TMEM63A: variants seen among roughly 807,000 people sequenced by gnomAD.
TMEM63A encodes transmembrane protein 63A.
In TMEM63A, 76 loss-of-function variants were observed where a neutral mutation model predicts 100.6. The ratio of observed to expected loss-of-function variants is 0.76; its 90% CI spans 0.63 to 0.91. The LOEUF (loss-of-function observed/expected upper bound fraction) is 0.91. Ranked by LOEUF, TMEM63A falls within the 40% of genes least tolerant of loss-of-function variation. TMEM63A has a pLI of 0.00. For synonymous variants in TMEM63A, 401 were observed against 401.1 expected (o/e 1.00, Z 0.00); for missense variants, 876 against 1,008.8 (o/e 0.87, Z 1.78).
chr1:225,861,083 G>C (rs1669911912), intron 13 of TMEM63A, 86 bp from the exon 14 acceptor site: 7 of 1,462,798 alleles, frequency 4.8e-6, no homozygotes, highest in South Asian at 1.4e-5. Context: ...GTAGGAGTGG[G>C]AGGCAGTGGC....
downstream of TMEM63A, chr1:225,845,298 T>C: frequency 6.2e-7 from 1 of 1,612,682 alleles, no homozygotes; most frequent in Non-Finnish European, 8.5e-7. Flanking sequence ...GAGCCGGAGC[T>C]GCTCGCCCAG....
Position 225,881,480 on chromosome 1 carries a change from A to G in TMEM63A, c.-206+824T>C, listed in dbSNP as rs1332955109. ...GATCCCACCTGACGTCTTCTCTGTT[A>G]GAGCCCAACGAACAGCTAGGAGAGA... On this transcript the variant is annotated intron_variant, in intron 1 of 24. Coordinates refer to ENST00000366835, the MANE Select transcript of TMEM63A (RefSeq NM_014698.3). 2.6e-5 allele frequency among the ~76,000 whole-genome samples: 4 copies of G among 152,212 alleles called. No homozygotes were observed. In the East Asian group the frequency reaches 5.8e-4, roughly 22 times the overall value.
At chr1:225,856,887 G>A in intron 16 of TMEM63A, 24 bp downstream of exon 16, 1 of 1,606,170 alleles carries the variant, frequency 6.2e-7, no homozygotes, top group East Asian at 2.2e-5. Context: ...TAGGGGCAGG[G>A]CCTCGGGGCT....
At chr1:225,848,083 G>A (rs552453224) in intron 23 of TMEM63A, 1 of 175,064 alleles carries the variant, frequency 5.7e-6, no homozygotes, top group East Asian at 1.6e-4. Flanking sequence ...GAATTCAAAG[G>A]GAAGTCTGCC....
chr1:225,842,829 A>AT (rs1668540882), downstream of TMEM63A, among the ~76,000 whole-genome samples: 1 of 152,234 alleles, frequency 6.6e-6, no homozygotes, highest in African/African-American at 2.4e-5. Context: ...AGAGCCTGGC[A>AT]TCAGGGTCAC....
At chr1:225,844,264 T>G (rs1576048521), downstream of TMEM63A, among the ~76,000 whole-genome samples, 4 of 136,282 alleles carry the variant, frequency 2.9e-5, no homozygotes, top group East Asian at 2.2e-4. Context: ...AGAGGCAAGG[T>G]GGGTGGGGGG....
At position 225,862,365 on chromosome 1, in the gene TMEM63A, C is replaced by T. The variant is rs1183542893; in HGVS notation, c.952-14G>A. On this transcript the variant is annotated splice_polypyrimidine_tract_variant and intron_variant, in intron 12 of 24. Transcript: ENST00000366835. This position sits in a 1 kb window ranked among gnomAD's most constrained non-coding sequence, Gnocchi z 5.1. The stretch of plus-strand genomic sequence containing the variant: ...GATGGCGTCTTCCTGCCACAAGACA[C>T]ATCCCATTGGGATGACGTGGCCCCA... The T allele has an allele frequency of 6.2e-7, 1 of 1,614,190 alleles. No individual in the cohort carries two copies. The highest frequency in any genetic ancestry group is 8.5e-7 in the Non-Finnish European group (1 of 1,180,026).
intron 4 of TMEM63A, 48 bp downstream of exon 4, chr1:225,874,240 T>C (rs905904135): frequency 6.4e-7 from 1 of 1,562,026 alleles, no homozygotes. Context: ...ATATACACAC[T>C]CACACGTACG....
At chr1:225,868,428 C>G (rs1670327906) in intron 6 of TMEM63A, among the ~76,000 whole-genome samples, 2 of 151,910 alleles carry the variant, frequency 1.3e-5, no homozygotes, top group Non-Finnish European at 2.9e-5. Context: ...GTAATCCCAG[C>G]ACTTTGGGAG....
intron 14 of TMEM63A, chr1:225,860,504 T>TTGAC (rs144799603): frequency 0.073 from 13,141 of 179,284 alleles, 634 homozygotes; most frequent in East Asian, 0.15. Flanking sequence ...TTTTCAAAAA[T>TTGAC]TGCATGTTGA....
intron 6 of TMEM63A, among the ~76,000 whole-genome samples, chr1:225,870,138 T>G (rs1576106186): frequency 6.6e-6 from 1 of 151,678 alleles, no homozygotes; most frequent in Non-Finnish European, 1.5e-5. Context: ...TCACCTGAGG[T>G]CGGGAGTTGG....
Position 225,862,324 on chromosome 1 carries a change from T to A in TMEM63A, c.979A>T (p.Met327Leu). The A allele has an allele frequency of 6.2e-7, 1 of 1,614,182 alleles. No individual in the cohort carries two copies. Among genetic ancestry groups the A allele is most frequent in the Non-Finnish European group, 8.5e-7 (1 of 1,180,038 alleles). Reference sequence around the variant, plus strand: ...ATCCTCTCCAGCAGCCTGTCCTTCATCCGTGTGTAGTAAGAGATGGCGTCT... The same window carrying A: ...ATCCTCTCCAGCAGCCTGTCCTTCAACCGTGTGTAGTAAGAGATGGCGTCT... ...WEDAISYYTR[M>L]KDRLLERITE... Residue 327 changes from methionine to leucine, a missense_variant, in exon 13 of 25, where the codon ATG becomes TTG. Transcript: ENST00000366835. This position sits in a 1 kb window ranked among gnomAD's most constrained non-coding sequence, Gnocchi z 5.1.
intron 1 of TMEM63A, among the ~76,000 whole-genome samples, chr1:225,880,389 A>T (rs1353399136): frequency 6.6e-6 from 1 of 152,126 alleles, no homozygotes; most frequent in Non-Finnish European, 1.5e-5. Context: ...CTGAGCAGGC[A>T]GCTGGGAACA....
chr1:225,866,428 G>C, intron 9 of TMEM63A, 146 bp downstream of exon 9: 1 of 657,422 alleles, frequency 1.5e-6, no homozygotes, highest in Non-Finnish European at 2.6e-6. Context: ...GGTGCCAAGT[G>C]TGAGCAAGAA....
chr1:225,847,059 GCAGC>G lies in TMEM63A; in HGVS notation c.2401_2404del (p.Ala801LeufsTer28), dbSNP rs745749244. The G allele has an allele frequency of 1.9e-6, 3 of 1,611,570 alleles. No individual in the cohort carries two copies. The highest frequency in any genetic ancestry group is 2.2e-5 in the South Asian group (2 of 90,856). On this transcript the variant is annotated frameshift_variant, in exon 24 of 25. Transcript: ENST00000366835. LOFTEE classifies it high-confidence loss of function. ...CCAGCCTCAGGCCTCCTGGGGGGCA[GCAGC>G]CACACTGCCCGTGGCGCTCTGCGCC...
chr1:225,876,493 G>A (rs1238629793), intron 3 of TMEM63A, among the ~76,000 whole-genome samples: 1 of 152,166 alleles, frequency 6.6e-6, no homozygotes, highest in Non-Finnish European at 1.5e-5. Flanking sequence ...AAAAGAAGGG[G>A]CACTTTAACC....
chr1:225,857,008 T>A lies in TMEM63A; in HGVS notation c.1387A>T (p.Ile463Phe). 1 of 1,581,578 alleles carries A rather than the reference T, an allele frequency of 6.3e-7. No individual in the cohort carries two copies. Among genetic ancestry groups the A allele is most frequent in the Non-Finnish European group, 8.5e-7 (1 of 1,170,028 alleles). Residue 463 changes from isoleucine (I) to phenylalanine (F), a missense_variant, in exon 16 of 25, where the codon ATC becomes TTC. Coordinates refer to ENST00000366835, the MANE Select transcript of TMEM63A (RefSeq NM_014698.3). Reference sequence around the variant, plus strand: ...AGGAGGGTGGGGAAGAACTGGCTGATGATCGGGTTCTAGGAGAAAGGTCCA... The same window carrying A: ...AGGAGGGTGGGGAAGAACTGGCTGAAGATCGGGTTCTAGGAGAAAGGTCCA... ...KPIHALNNPI[I>F]SQFFPTLLLW...
At chr1:225,875,873 A>T (rs1670772007) in intron 3 of TMEM63A, among the ~76,000 whole-genome samples, 1 of 151,684 alleles carries the variant, frequency 6.6e-6, no homozygotes, top group Non-Finnish European at 1.5e-5. Flanking sequence ...AGACCAGCCT[A>T]GGCAACATGG....
intron 2 of TMEM63A, among the ~76,000 whole-genome samples, chr1:225,878,885 TACACACACACACACACACACACACAC>T (rs55792328): frequency 7.2e-6 from 1 of 139,520 alleles, no homozygotes; most frequent in Non-Finnish European, 1.5e-5. Context: ...CCTACCTACC[TACACACACACACACACACACACACAC>T]ACACACACAC....
Sources: allele counts gnomAD v4.1 joint callset (sites outside exome capture counted in the v4.1 genomes callset), GRCh38; gene constraint gnomAD v4.1.1; non-coding constraint Gnocchi (gnomAD v3.1); transcripts MANE v1.5; gene names NCBI Gene and HGNC (gene_info 2026-07-23, HGNC 2026-07-21).